The following PXDNL variants were observed in gnomAD, a reference collection of about 807,000 sequenced individuals.
The protein encoded by PXDNL is peroxidasin like, also known as probable oxidoreductase PXDNL.
Under a neutral mutation model 150.8 loss-of-function variants are expected in PXDNL, and 145 were observed. The observed-to-expected ratio is 0.96, with a 90% CI of 0.84 to 1.10. The LOEUF (loss-of-function observed/expected upper bound fraction) is 1.10. Among genes scored for constraint, PXDNL ranks in the 50% least tolerant of loss-of-function variants. The pLI, the probability that PXDNL is intolerant of heterozygous loss-of-function variation, is 0.00. For missense variants in PXDNL, 2,087 were observed against 1,873.9 expected (o/e 1.11, Z -2.10); for synonymous variants, 757 against 725.7 (o/e 1.04, Z -0.69).
chr8:51,660,831 A>C (rs942913148), intron 1 of PXDNL, among the ~76,000 whole-genome samples: 2 of 152,026 alleles, frequency 1.3e-5, no homozygotes, highest in Admixed American at 1.3e-4. Context: ...CCTGCAGCCC[A>C]TTTTTGGCAT....
intron 20 of PXDNL, among the ~76,000 whole-genome samples, chr8:51,343,690 G>A (rs1369767867): frequency 6.6e-6 from 1 of 152,184 alleles, no homozygotes; most frequent in Non-Finnish European, 1.5e-5. Context: ...ATCCATGCCT[G>A]TGCTTGTGGA....
chr8:51,674,814 A>G (rs1815574462), intron 1 of PXDNL, among the ~76,000 whole-genome samples: 1 of 152,200 alleles, frequency 6.6e-6, no homozygotes, highest in South Asian at 2.1e-4. Flanking sequence ...AATGTAACTG[A>G]ATATTAACTT....
intron 2 of PXDNL, among the ~76,000 whole-genome samples, chr8:51,619,113 T>C (rs1397860693): frequency 6.6e-6 from 1 of 152,100 alleles, no homozygotes; most frequent in Non-Finnish European, 1.5e-5. Context: ...CTCTCACCAT[T>C]CATTCTCCCT....
chr8:51,408,061 A>G lies in PXDNL; in HGVS notation c.3557+6T>C, dbSNP rs748011572. On this transcript the variant is annotated splice_donor_region_variant and intron_variant, in intron 17 of 22. Coordinates refer to ENST00000356297, the MANE Select transcript of PXDNL (RefSeq NM_144651.5). ...GTTTAAATCCAGGCAGCATTTGCAT[A>G]CTTACTTTCTCAGTTTTTGTCTAAT... is the stretch of plus-strand genomic sequence containing the variant. The G allele has an allele frequency of 6.3e-7, 1 of 1,593,674 alleles. No homozygotes were observed. Among genetic ancestry groups the G allele is most frequent in the Admixed American group, 1.8e-5 (1 of 56,358 alleles).
intron 3 of PXDNL, among the ~76,000 whole-genome samples, chr8:51,587,582 T>G (rs992215520): frequency 2.6e-5 from 4 of 152,184 alleles, no homozygotes; most frequent in Admixed American, 2.0e-4. Context: ...TATAGTCAAA[T>G]GAAAATTAAC....
At chr8:51,802,228 A>C (rs718250) in intron 1 of PXDNL, among the ~76,000 whole-genome samples, 108,079 of 151,672 alleles carry the variant, frequency 0.71, 43,392 homozygotes, top group Non-Finnish European at 0.9. Flanking sequence ...TGCACAGTTA[A>C]TGTTTCTTGG....
intron 1 of PXDNL, among the ~76,000 whole-genome samples, chr8:51,712,965 G>T (rs549727656): frequency 6.6e-6 from 1 of 152,260 alleles, no homozygotes; most frequent in South Asian, 2.1e-4. Flanking sequence ...AAATCTGGAA[G>T]GCTGAGCTGA....
chr8:51,589,483 G>T (rs527496295), intron 3 of PXDNL, among the ~76,000 whole-genome samples: 2 of 152,298 alleles, frequency 1.3e-5, no homozygotes, highest in East Asian at 3.9e-4. Flanking sequence ...GATATTAAGC[G>T]GTCATGGCCA....
Position 51,453,682 on chromosome 8 carries a change from A to C in PXDNL, c.1086T>G (p.Thr362=). 1 of 1,614,034 alleles carries C rather than the reference A, an allele frequency of 6.2e-7. No homozygotes were observed. Among genetic ancestry groups the C allele is most frequent in the Non-Finnish European group, 8.5e-7 (1 of 1,179,894 alleles). ...MATGHPHPLI[T]WTRDNGLELD... ...GCTCCAATCCATTGTCCCTGGTCCA[A>C]GTGATAAGAGGGTGTGGGTGGCCTG... Residue 362 remains threonine (T), a synonymous_variant, in exon 10 of 23, where the codon ACT becomes ACG. Coordinates refer to ENST00000356297, the MANE Select transcript of PXDNL (RefSeq NM_144651.5).
intron 1 of PXDNL, among the ~76,000 whole-genome samples, chr8:51,683,644 C>CA (rs1468919963): frequency 6.6e-6 from 1 of 151,986 alleles, no homozygotes; most frequent in Non-Finnish European, 1.5e-5. Flanking sequence ...GATCCTGGAC[C>CA]AAAGAAGCTC....
chr8:51,587,949 C>T (rs1369416277), intron 3 of PXDNL, among the ~76,000 whole-genome samples: 2 of 151,918 alleles, frequency 1.3e-5, no homozygotes, highest in Non-Finnish European at 2.9e-5. Flanking sequence ...AATAATTTAA[C>T]AAATAGATGA....
intron 21 of PXDNL, among the ~76,000 whole-genome samples, chr8:51,325,280 G>A (rs755618404): frequency 2.0e-5 from 3 of 152,300 alleles, no homozygotes; most frequent in South Asian, 2.1e-4. Flanking sequence ...GAATAATTTC[G>A]TATTGAAACC....
intron 1 of PXDNL, among the ~76,000 whole-genome samples, chr8:51,717,464 G>A (rs1237270519): frequency 1.3e-5 from 2 of 152,168 alleles, no homozygotes; most frequent in Admixed American, 6.5e-5. Context: ...CAGATAAAAG[G>A]GGACACATCT....
chr8:51,349,304 T>C (rs1046114649), intron 19 of PXDNL, among the ~76,000 whole-genome samples: 2 of 152,190 alleles, frequency 1.3e-5, no homozygotes, highest in Admixed American at 1.3e-4. Flanking sequence ...TTCTTCCCTA[T>C]GCAGCACCTT....
At chr8:51,561,062 G>A (rs921382331) in intron 3 of PXDNL, among the ~76,000 whole-genome samples, 1 of 151,820 alleles carries the variant, frequency 6.6e-6, no homozygotes, top group African/African-American at 2.4e-5. Flanking sequence ...ACCACAATGA[G>A]CTATCACCTC....
chr8:51,735,526 GTT>G (rs777986365), intron 1 of PXDNL, among the ~76,000 whole-genome samples: 5 of 41,058 alleles, frequency 1.2e-4, no homozygotes, highest in African/African-American at 2.1e-4. Context: ...ATTAAAAATT[GTT>G]TTTTTTTTTT....
intron 2 of PXDNL, among the ~76,000 whole-genome samples, chr8:51,639,724 C>G (rs1313416072): frequency 6.6e-6 from 1 of 151,948 alleles, no homozygotes; most frequent in Non-Finnish European, 1.5e-5. Context: ...GCTTACCAAC[C>G]AAAAAGAGTC....
intron 21 of PXDNL, among the ~76,000 whole-genome samples, chr8:51,328,834 G>T (rs115667933): frequency 0.011 from 1,619 of 152,220 alleles, 27 homozygotes; most frequent in African/African-American, 0.037. Context: ...CCCTGGCAGC[G>T]GGAGGGGAAG....
At chr8:51,573,531 C>G (rs1003055332) in intron 3 of PXDNL, among the ~76,000 whole-genome samples, 3 of 151,966 alleles carry the variant, frequency 2.0e-5, no homozygotes, top group Admixed American at 6.6e-5. Flanking sequence ...AGCATTTATA[C>G]CCTCTTGGCA....
Sources: gnomAD v4.1 joint callset for allele counts (sites outside exome capture counted in the v4.1 genomes callset) on GRCh38, gnomAD v4.1.1 for gene constraint, MANE v1.5 for transcripts, NCBI Gene and HGNC (gene_info 2026-07-23, HGNC 2026-07-21) for gene names.